Variants in THEMIS observed in about 807,000 individuals in gnomAD.
THEMIS encodes the protein protein THEMIS.
THEMIS carries 37 observed loss-of-function variants against 52.6 expected under a neutral mutation model. The observed-to-expected ratio is 0.70, with a 90% CI of 0.54 to 0.93. The LOEUF (loss-of-function observed/expected upper bound fraction) is 0.93, where lower values mean the gene tolerates loss of function less well. Among genes scored for constraint, THEMIS ranks in the 40% least tolerant of loss-of-function variants. THEMIS has a pLI of 0.00. For missense variants in THEMIS, 808 were observed against 763.1 expected, an observed-to-expected ratio of 1.06 and a Z score of -0.69; for synonymous variants, 292 against 272.7, an observed-to-expected ratio of 1.07 and a Z score of -0.70.
downstream of THEMIS, among the ~76,000 whole-genome samples, chr6:127,707,700 G>A (rs189593281): frequency 4.4e-4 from 67 of 152,174 alleles, 1 homozygote; most frequent in African/African-American, 1.5e-3. Context: ...TCTCCCCAGC[G>A]TTTTACATGT....
At chr6:127,893,073 G>T (rs72971896) in intron 1 of THEMIS, among the ~76,000 whole-genome samples, 2 of 151,920 alleles carry the variant, frequency 1.3e-5, no homozygotes, top group Non-Finnish European at 2.9e-5. Flanking sequence ...CATTTATGTA[G>T]TTTGGGTTTT....
chr6:127,866,061 T>C (rs564349554), intron 1 of THEMIS, among the ~76,000 whole-genome samples: 3 of 152,136 alleles, frequency 2.0e-5, no homozygotes, highest in Non-Finnish European at 2.9e-5. Flanking sequence ...ATATTTACAT[T>C]TGGGTGGAAA....
At chr6:127,887,217 T>C (rs1021409849) in intron 1 of THEMIS, among the ~76,000 whole-genome samples, 1 of 152,022 alleles carries the variant, frequency 6.6e-6, no homozygotes, top group Non-Finnish European at 1.5e-5. Flanking sequence ...AATGGGTGAA[T>C]GATTTGAAGA....
chr6:127,762,040 A>G (rs1289516772), intron 4 of THEMIS, among the ~76,000 whole-genome samples: 1 of 152,186 alleles, frequency 6.6e-6, no homozygotes, highest in East Asian at 1.9e-4. Context: ...AAGAAAATGT[A>G]CGCTATACAT....
At chr6:127,852,170 G>T (rs1779449234) in intron 2 of THEMIS, among the ~76,000 whole-genome samples, 1 of 151,090 alleles carries the variant, frequency 6.6e-6, no homozygotes, top group South Asian at 2.1e-4. Flanking sequence ...ATGATAAAAG[G>T]GTCACTCCAT....
chr6:127,793,989 C>T (rs1052658557), intron 4 of THEMIS, among the ~76,000 whole-genome samples: 5 of 152,072 alleles, frequency 3.3e-5, no homozygotes, highest in South Asian at 2.1e-4. Context: ...AAAAAAGCAT[C>T]GTATTTAAAG....
Position 127,819,087 on chromosome 6 carries a change from T to C in THEMIS, c.710-5156A>G, listed in dbSNP as rs566879043. Reference sequence around the variant, plus strand: ...GTGACCCAAGATCATGCCACTGCACTCCAGCCTGGGTGAAAGAGTGAGACT... The same window carrying C: ...GTGACCCAAGATCATGCCACTGCACCCCAGCCTGGGTGAAAGAGTGAGACT... On this transcript the variant is annotated intron_variant, in intron 3 of 5. Coordinates refer to ENST00000368248, the MANE Select transcript of THEMIS (RefSeq NM_001010923.3). Among the ~76,000 whole-genome samples the C allele has an allele frequency of 1.5e-4, 17 of 112,250 alleles. No individual in the cohort carries two copies. In the East Asian group the frequency reaches 4.9e-3, roughly 32 times the overall value. 73.6% of individuals were successfully genotyped at this position (112,250 alleles called of 152,430 possible). A position where few individuals can be genotyped will look rare whatever the true frequency, so the allele number is the denominator to read the frequency against.
chr6:127,883,098 G>A (rs1303328605), intron 1 of THEMIS, among the ~76,000 whole-genome samples: 6 of 151,846 alleles, frequency 4.0e-5, no homozygotes, highest in Non-Finnish European at 7.4e-5. Context: ...CAAGACAAAC[G>A]TAGTTACTAC....
At chr6:127,778,831 ATTT>A (rs58524604) in intron 4 of THEMIS, among the ~76,000 whole-genome samples, 10,020 of 142,228 alleles carry the variant, frequency 0.07, 402 homozygotes, top group African/African-American at 0.11. Context: ...CTCAAGTGGA[ATTT>A]TTTTTTTTTT....
chr6:127,908,382 C>T (rs1297492472), intron 1 of THEMIS, among the ~76,000 whole-genome samples: 1 of 152,048 alleles, frequency 6.6e-6, no homozygotes, highest in Non-Finnish European at 1.5e-5. Flanking sequence ...GAGTGTTCCT[C>T]AGATTAATCT....
At chr6:127,768,808 A>G (rs1224675669) in intron 4 of THEMIS, among the ~76,000 whole-genome samples, 1 of 152,202 alleles carries the variant, frequency 6.6e-6, no homozygotes, top group South Asian at 2.1e-4. Flanking sequence ...GATGTATGCA[A>G]AAGTATCACC....
At chr6:127,835,683 G>A (rs1201426850) in intron 2 of THEMIS, among the ~76,000 whole-genome samples, 5 of 152,024 alleles carry the variant, frequency 3.3e-5, no homozygotes, top group Non-Finnish European at 2.9e-5. Flanking sequence ...ATTCTAGCCT[G>A]GATCAAAATC....
intron 4 of THEMIS, among the ~76,000 whole-genome samples, chr6:127,759,849 TCCCTCCC>T (rs1775960107): frequency 1.4e-5 from 1 of 70,534 alleles, no homozygotes; most frequent in African/African-American, 5.4e-5. Context: ...CCTCCCTCCC[TCCCTCCC>T]TCCTTCCTTC....
intron 4 of THEMIS, among the ~76,000 whole-genome samples, chr6:127,786,928 G>A (rs1252043161): frequency 6.6e-6 from 1 of 152,102 alleles, no homozygotes; most frequent in Non-Finnish European, 1.5e-5. Context: ...CAGTAGCTGT[G>A]AGAAAAAGCA....
chr6:127,874,435 T>C (rs527606147), intron 1 of THEMIS, among the ~76,000 whole-genome samples: 10 of 152,350 alleles, frequency 6.6e-5, no homozygotes, highest in South Asian at 6.2e-4. Flanking sequence ...GTATATTTTA[T>C]GGTAGTATAC....
At chr6:127,711,163 C>A (rs1035210183) in intron 5 of THEMIS, among the ~76,000 whole-genome samples, 3 of 151,688 alleles carry the variant, frequency 2.0e-5, no homozygotes, top group African/African-American at 4.8e-5. Context: ...GGTTACTAAC[C>A]TTTATATGCC....
At chr6:127,767,266 T>C (rs1428750633) in intron 4 of THEMIS, among the ~76,000 whole-genome samples, 1 of 151,920 alleles carries the variant, frequency 6.6e-6, no homozygotes, top group Non-Finnish European at 1.5e-5. Context: ...TAATTTTTTG[T>C]ATTTTAGTAA....
At chr6:127,850,430 T>C (rs1204506907) in intron 2 of THEMIS, among the ~76,000 whole-genome samples, 2 of 151,870 alleles carry the variant, frequency 1.3e-5, no homozygotes, top group Admixed American at 1.3e-4. Flanking sequence ...AAAAGACACA[T>C]GCATACACAT....
chr6:127,836,118 A>G (rs1260448240), intron 2 of THEMIS, among the ~76,000 whole-genome samples: 1 of 152,166 alleles, frequency 6.6e-6, no homozygotes, highest in Admixed American at 6.6e-5. Context: ...AGGTAGCTGA[A>G]GCCAGTTGAG....
Sources: allele counts gnomAD v4.1 joint callset (sites outside exome capture counted in the v4.1 genomes callset), GRCh38; gene constraint gnomAD v4.1.1; transcripts MANE v1.5; gene names NCBI Gene and HGNC (gene_info 2026-07-23, HGNC 2026-07-21).